Variants in NR3C2 observed in about 807,000 individuals in gnomAD.
NR3C2 encodes the protein nuclear receptor subfamily 3 group C member 2, also known as mineralocorticoid receptor.
In NR3C2, 15 loss-of-function variants were observed where a neutral mutation model predicts 86.4. The ratio of observed to expected loss-of-function variants is 0.17; its 90% confidence interval spans 0.12 to 0.27. The LOEUF (loss-of-function observed/expected upper bound fraction) is 0.27, where lower values mean the gene tolerates loss of function less well. NR3C2 is among the 10% of genes least tolerant of loss of function. The pLI is 1.00. For synonymous variants in NR3C2, 458 were observed against 450.5 expected, an observed-to-expected ratio of 1.02 and a Z score of -0.21; for missense variants, 960 against 1,195.6, an observed-to-expected ratio of 0.80 and a Z score of 2.91.
intron 8 of NR3C2, among the ~76,000 whole-genome samples, chr4:148,102,262 C>G (rs955667606): frequency 4.6e-5 from 7 of 152,232 alleles, no homozygotes; most frequent in Non-Finnish European, 1.0e-4. Flanking sequence ...GCACCAACAG[C>G]TGGGCAGTTC....
chr4:148,444,729 C>A (rs1185868840), upstream of NR3C2: 2 of 985,216 alleles, frequency 2.0e-6, no homozygotes, highest in Admixed American at 6.1e-5. Flanking sequence ...GGCGGCGAGG[C>A]AGCGGCGCCA....
intron 2 of NR3C2, among the ~76,000 whole-genome samples, chr4:148,296,044 C>CA (rs529710200): frequency 0.46 from 34,199 of 73,904 alleles, 7,682 homozygotes; most frequent in East Asian, 0.67. Flanking sequence ...GAGCTGAGGC[C>CA]AAAAAAAAAA....
At chr4:148,175,888 C>T (rs576209301) in intron 4 of NR3C2, among the ~76,000 whole-genome samples, 4 of 152,234 alleles carry the variant, frequency 2.6e-5, no homozygotes, top group South Asian at 2.1e-4. Flanking sequence ...CCCAGCTACT[C>T]GGGAGGCTGA....
At chr4:148,224,586 T>C (rs1267276880) in intron 3 of NR3C2, among the ~76,000 whole-genome samples, 3 of 152,206 alleles carry the variant, frequency 2.0e-5, no homozygotes. Flanking sequence ...TTTACATTTG[T>C]TCACTGTTTA....
At chr4:148,278,027 C>CA (rs575524894) in intron 2 of NR3C2, among the ~76,000 whole-genome samples, 186 of 152,310 alleles carry the variant, frequency 1.2e-3, no homozygotes, top group Non-Finnish European at 1.6e-3. Flanking sequence ...CTATTAATAA[C>CA]ATTATTTCAT....
chr4:148,245,056 G>A (rs750729286), intron 3 of NR3C2, among the ~76,000 whole-genome samples: 1 of 152,080 alleles, frequency 6.6e-6, no homozygotes, highest in Non-Finnish European at 1.5e-5. Context: ...TATGTTTAGT[G>A]CTTGGAGGAG....
chr4:148,275,452 C>CA (rs1740912924), intron 2 of NR3C2, among the ~76,000 whole-genome samples: 1 of 148,932 alleles, frequency 6.7e-6, no homozygotes, highest in Admixed American at 6.7e-5. Context: ...TTTTTTGAGA[C>CA]AGAGTTTCAC....
At chr4:148,209,915 T>C (rs908401843) in intron 3 of NR3C2, among the ~76,000 whole-genome samples, 1 of 152,202 alleles carries the variant, frequency 6.6e-6, no homozygotes, top group Non-Finnish European at 1.5e-5. Context: ...TCAATTTGCT[T>C]AGGGCACCAT....
At chr4:148,188,764 A>T (rs1736056452) in intron 4 of NR3C2, among the ~76,000 whole-genome samples, 1 of 152,064 alleles carries the variant, frequency 6.6e-6, no homozygotes, top group African/African-American at 2.4e-5. Flanking sequence ...GACTTCCAGT[A>T]CTATGTTGAA....
At chr4:148,352,891 C>T (rs538798812) in intron 2 of NR3C2, among the ~76,000 whole-genome samples, 3 of 151,944 alleles carry the variant, frequency 2.0e-5, no homozygotes, top group Admixed American at 6.6e-5. Context: ...TGTAAAGTAG[C>T]TAACAAGCTA....
chr4:148,352,852 A>C (rs1745363449), intron 2 of NR3C2, among the ~76,000 whole-genome samples: 2 of 152,322 alleles, frequency 1.3e-5, no homozygotes. Flanking sequence ...CCCTAAAAAT[A>C]AAGATTCTTA....
chr4:148,426,838 T>G (rs1299738098), intron 2 of NR3C2, among the ~76,000 whole-genome samples: 1 of 152,316 alleles, frequency 6.6e-6, no homozygotes. Context: ...CAGACCAACA[T>G]CGCCACCTAT....
chr4:148,413,499 C>T (rs1210752992), intron 2 of NR3C2, among the ~76,000 whole-genome samples: 2 of 151,704 alleles, frequency 1.3e-5, no homozygotes, highest in African/African-American at 2.4e-5. Context: ...TTGATGACAT[C>T]AAAATTTAAA....
Position 148,120,277 on chromosome 4 carries a change from T to C in NR3C2, c.2522A>G (p.His841Arg). Residue 841 changes from histidine to arginine, a missense_variant, in exon 7 of 9, where the codon CAT becomes CGT. This residue lies in a region of NR3C2 where 151 missense variants were observed against 296.3 expected (regional missense o/e 0.51). Transcript: ENST00000358102. The part of the protein sequence containing the change: ...PDLVFNEEKM[H>R]QSAMYELCQG... Reference sequence around the variant, plus strand: ...GCATAGTTCATACATGGCAGACTGATGCATCTTCTCTCTGCAAAGGAAAAG... The same window carrying C: ...GCATAGTTCATACATGGCAGACTGACGCATCTTCTCTCTGCAAAGGAAAAG... 6.2e-7 allele frequency: 1 copy of C among 1,614,126 alleles called. No homozygotes were observed. The highest frequency in any genetic ancestry group is 8.5e-7 in the Non-Finnish European group (1 of 1,179,972).
chr4:148,241,837 CAG>C (rs1353677495), intron 3 of NR3C2, among the ~76,000 whole-genome samples: 14 of 152,174 alleles, frequency 9.2e-5, no homozygotes, highest in African/African-American at 3.4e-4. Flanking sequence ...TATGAAAATA[CAG>C]AGTTTCATCA....
intron 2 of NR3C2, among the ~76,000 whole-genome samples, chr4:148,431,181 T>A (rs1022537721): frequency 6.6e-6 from 1 of 152,108 alleles, no homozygotes; most frequent in Admixed American, 6.5e-5. Context: ...AATCTGGTTT[T>A]AAAAAAACAC....
At chr4:148,431,470 G>C (rs1295830398) in intron 2 of NR3C2, among the ~76,000 whole-genome samples, 1 of 152,146 alleles carries the variant, frequency 6.6e-6, no homozygotes, top group East Asian at 1.9e-4. Context: ...CTGAGGCTCA[G>C]AGCGGTTTTG....
At chr4:148,228,770 A>C (rs1738310833) in intron 3 of NR3C2, among the ~76,000 whole-genome samples, 1 of 152,220 alleles carries the variant, frequency 6.6e-6, no homozygotes, top group Admixed American at 6.5e-5. Context: ...TCTATTGTTT[A>C]AAGTGGCTGG....
At chr4:148,132,721 C>A (rs773871367) in intron 6 of NR3C2, among the ~76,000 whole-genome samples, 3 of 152,152 alleles carry the variant, frequency 2.0e-5, no homozygotes, top group Non-Finnish European at 2.9e-5. Flanking sequence ...GGCAGTCAAA[C>A]CTCACTGAAA....
Sources: allele counts gnomAD v4.1 joint callset (sites outside exome capture counted in the v4.1 genomes callset), GRCh38; gene constraint gnomAD v4.1.1; regional missense constraint gnomAD v4.1.1; transcripts MANE v1.5; gene names NCBI Gene and HGNC (gene_info 2026-07-23, HGNC 2026-07-21).